The following GPHN variants were observed in gnomAD, a reference collection of about 807,000 sequenced individuals.
GPHN encodes gephyrin.
GPHN carries 17 observed loss-of-function variants against 95.5 expected under a neutral mutation model. That is an observed-to-expected ratio of 0.18 (90% CI 0.12 to 0.27). The LOEUF is 0.27. Among genes scored for constraint, GPHN ranks in the 10% least tolerant of loss-of-function variants. The pLI is 1.00. For synonymous variants in GPHN, 320 were observed against 322.5 expected (o/e 0.99, Z 0.08); for missense variants, 660 against 978.1 (o/e 0.67, Z 4.34).
At chr14:67,023,351 C>T (rs2073758994) in intron 9 of GPHN, among the ~76,000 whole-genome samples, 2 of 151,832 alleles carry the variant, frequency 1.3e-5, no homozygotes, top group Non-Finnish European at 2.9e-5. Context: ...TTCCATATAC[C>T]GATTTTAAAT....
chr14:67,629,115 C>T, the GPHN span, among the ~76,000 whole-genome samples: 1 of 152,182 alleles, frequency 6.6e-6, no homozygotes, highest in Non-Finnish European at 1.5e-5. Context: ...AGGAGGATTG[C>T]TTGAGTCCAG....
chr14:67,430,926 T>C, the GPHN span, among the ~76,000 whole-genome samples: 2 of 152,140 alleles, frequency 1.3e-5, no homozygotes, highest in Non-Finnish European at 2.9e-5. Context: ...GGCACCAGCT[T>C]CCCAAATACG....
the GPHN span, among the ~76,000 whole-genome samples, chr14:67,513,254 A>G: frequency 1.3e-5 from 2 of 152,192 alleles, no homozygotes; most frequent in African/African-American, 4.8e-5. Context: ...AGCTTGGGAC[A>G]AACCAATAAA....
intron 4 of GPHN, among the ~76,000 whole-genome samples, chr14:66,855,981 T>C (rs2062786818): frequency 6.6e-6 from 1 of 152,180 alleles, no homozygotes; most frequent in Non-Finnish European, 1.5e-5. Flanking sequence ...TATAACCACA[T>C]ACAATATTGC....
At chr14:67,344,344 A>G in the GPHN span, among the ~76,000 whole-genome samples, 1 of 152,194 alleles carries the variant, frequency 6.6e-6, no homozygotes, top group Non-Finnish European at 1.5e-5. Context: ...TTGGCTTTCA[A>G]TAAACCTTTA....
chr14:66,569,866 A>G (rs890839129), intron 1 of GPHN, among the ~76,000 whole-genome samples: 3 of 152,156 alleles, frequency 2.0e-5, no homozygotes, highest in Non-Finnish European at 4.4e-5. Flanking sequence ...TATAGTCACC[A>G]TGATATATAA....
At chr14:66,643,542 C>T (rs1052815995) in intron 1 of GPHN, among the ~76,000 whole-genome samples, 1 of 151,992 alleles carries the variant, frequency 6.6e-6, no homozygotes, top group African/African-American at 2.4e-5. Context: ...GTATACTGTA[C>T]AATGAGAATG....
chr14:67,302,492 T>G, the GPHN span: 1 of 1,598,464 alleles, frequency 6.3e-7, no homozygotes. Context: ...AGTGGTCTGT[T>G]GCATGAAGGA....
At chr14:67,208,915 G>A in the GPHN span, among the ~76,000 whole-genome samples, 773 of 138,188 alleles carry the variant, frequency 5.6e-3, 3 homozygotes, top group Non-Finnish European at 5.4e-3. Flanking sequence ...AAAAAGAAAA[G>A]AAAAAAAAAA....
chr14:67,541,565 CT>C, the GPHN span, among the ~76,000 whole-genome samples: 118 of 152,316 alleles, frequency 7.7e-4, no homozygotes, highest in Admixed American at 1.8e-3. Context: ...CTTTTCACTT[CT>C]GTCCAAATGA....
chr14:67,562,740 C>T, the GPHN span: 1 of 1,613,722 alleles, frequency 6.2e-7, no homozygotes, highest in Non-Finnish European at 8.5e-7. Flanking sequence ...CGAGCTAGGT[C>T]CCGGGAGGAA....
At chr14:67,310,062 CT>C in the GPHN span, among the ~76,000 whole-genome samples, 432 of 143,630 alleles carry the variant, frequency 3.0e-3, 2 homozygotes, top group African/African-American at 7.8e-3. Flanking sequence ...TGCTCAAGCA[CT>C]TTTTTTTTTT....
the GPHN span, among the ~76,000 whole-genome samples, chr14:67,464,706 A>G: frequency 1.3e-5 from 2 of 152,230 alleles, no homozygotes; most frequent in Admixed American, 1.3e-4. Context: ...TTTTGGGGCT[A>G]CCCAGTCTAG....
intron 18 of GPHN, among the ~76,000 whole-genome samples, chr14:67,156,760 T>A (rs1257190499): frequency 6.6e-6 from 1 of 152,028 alleles, no homozygotes; most frequent in Non-Finnish European, 1.5e-5. Flanking sequence ...ACTGATCATG[T>A]GGGGCCAGGA....
chr14:67,685,193 T>C, the GPHN span: 1 of 1,612,182 alleles, frequency 6.2e-7, no homozygotes, highest in Non-Finnish European at 8.5e-7. Flanking sequence ...GAATACGTCG[T>C]AACGCCAGAG....
chr14:66,534,482 G>T (rs2139986926), intron 1 of GPHN, among the ~76,000 whole-genome samples: 1 of 152,134 alleles, frequency 6.6e-6, no homozygotes, highest in Non-Finnish European at 1.5e-5. Flanking sequence ...TGAATGAATG[G>T]ATCATTATTT....
At chr14:66,884,085 A>G (rs75904355) in intron 5 of GPHN, among the ~76,000 whole-genome samples, 1,831 of 152,218 alleles carry the variant, frequency 0.012, 19 homozygotes, top group Non-Finnish European at 0.018. Flanking sequence ...AAAGAGCAAA[A>G]GAAAAGAAAA....
chr14:67,033,464 T>C, intron 10 of GPHN, among the ~76,000 whole-genome samples: 1 of 151,810 alleles, frequency 6.6e-6, no homozygotes, highest in Non-Finnish European at 1.5e-5. Context: ...CTCAGGAGGC[T>C]GAGGCAAAAG....
At chr14:66,968,820 A>G (rs1015048951) in intron 9 of GPHN, among the ~76,000 whole-genome samples, 13 of 152,284 alleles carry the variant, frequency 8.5e-5, no homozygotes, top group African/African-American at 2.9e-4. Context: ...TAGATCAGAC[A>G]ACTAAAAATT....
Sources: allele counts gnomAD v4.1 joint callset (sites outside exome capture counted in the v4.1 genomes callset), GRCh38; gene constraint gnomAD v4.1.1; transcripts MANE v1.5; gene names NCBI Gene and HGNC (gene_info 2026-07-23, HGNC 2026-07-21).